Variants in GRM8 observed in about 807,000 individuals in gnomAD.
GRM8 encodes the protein metabotropic glutamate receptor 8.
Under a neutral mutation model 87.2 loss-of-function variants are expected in GRM8, and 47 were observed. That is an observed-to-expected ratio of 0.54 (90% CI 0.43 to 0.69). The LOEUF is 0.69. GRM8 is among the 30% of genes least tolerant of loss of function. The pLI is 0.00. For missense variants in GRM8, 1,019 were observed against 1,139.2 expected (o/e 0.89, Z 1.52); for synonymous variants, 396 against 404.5 (o/e 0.98, Z 0.25).
At chr7:126,947,680 G>A (rs1214270847) in intron 3 of GRM8, among the ~76,000 whole-genome samples, 1 of 152,032 alleles carries the variant, frequency 6.6e-6, no homozygotes, top group African/African-American at 2.4e-5. Context: ...AGTGAAACAA[G>A]CCCCGAGGCC....
intron 6 of GRM8, among the ~76,000 whole-genome samples, chr7:126,828,141 A>G (rs534104268): frequency 3.9e-5 from 6 of 152,144 alleles, no homozygotes; most frequent in African/African-American, 1.2e-4. Context: ...TTTTTGCATC[A>G]ATGTTCATCA....
intron 8 of GRM8, among the ~76,000 whole-genome samples, chr7:126,562,646 G>A (rs937254616): frequency 6.6e-6 from 1 of 152,212 alleles, no homozygotes; most frequent in Non-Finnish European, 1.5e-5. Flanking sequence ...TGTAATCCCA[G>A]CACTTTGGGA....
At chr7:126,695,348 T>C (rs1228077621) in intron 7 of GRM8, among the ~76,000 whole-genome samples, 1 of 152,172 alleles carries the variant, frequency 6.6e-6, no homozygotes, top group Non-Finnish European at 1.5e-5. Context: ...GATTAAAATA[T>C]ATGGTCCCTG....
At chr7:127,010,087 A>C (rs183109992) in intron 3 of GRM8, among the ~76,000 whole-genome samples, 1 of 151,852 alleles carries the variant, frequency 6.6e-6, no homozygotes, top group African/African-American at 2.4e-5. Flanking sequence ...AAGTGATCCG[A>C]CTGCCTCAGC....
At chr7:126,600,176 G>T (rs1797593067) in intron 8 of GRM8, among the ~76,000 whole-genome samples, 2 of 152,036 alleles carry the variant, frequency 1.3e-5, no homozygotes, top group Non-Finnish European at 2.9e-5. Context: ...GTATAATTAT[G>T]CAATTATTGT....
At chr7:126,935,404 A>G (rs751293335) in intron 3 of GRM8, among the ~76,000 whole-genome samples, 7 of 152,220 alleles carry the variant, frequency 4.6e-5, no homozygotes, top group Non-Finnish European at 1.0e-4. Context: ...CAGAGATACC[A>G]TGGTAGAGTC....
chr7:126,814,648 T>A (rs889648142), intron 6 of GRM8, among the ~76,000 whole-genome samples: 1 of 151,994 alleles, frequency 6.6e-6, no homozygotes, highest in Non-Finnish European at 1.5e-5. Flanking sequence ...GTTACCACTC[T>A]CCTTATTTTC....
intron 7 of GRM8, among the ~76,000 whole-genome samples, chr7:126,677,701 T>G (rs1219692501): frequency 6.6e-6 from 1 of 151,320 alleles, no homozygotes; most frequent in African/African-American, 2.4e-5. Flanking sequence ...TCAGAAGGAG[T>G]TTTGAGGCGG....
At chr7:126,999,604 G>GTT (rs1813522886) in intron 3 of GRM8, among the ~76,000 whole-genome samples, 3 of 151,840 alleles carry the variant, frequency 2.0e-5, no homozygotes, top group African/African-American at 7.2e-5. Flanking sequence ...TTTCTCAAAA[G>GTT]AAGACAAATG....
At chr7:126,706,686 A>G (rs561099553) in intron 7 of GRM8, among the ~76,000 whole-genome samples, 1 of 152,214 alleles carries the variant, frequency 6.6e-6, no homozygotes, top group Admixed American at 6.5e-5. Flanking sequence ...TGATCACCAC[A>G]TTAGGTCAAC....
intron 7 of GRM8, among the ~76,000 whole-genome samples, chr7:126,764,981 A>G (rs1294700505): frequency 6.6e-6 from 1 of 151,946 alleles, no homozygotes; most frequent in African/African-American, 2.4e-5. Flanking sequence ...TCTAAATGTC[A>G]CCTTTTTCTA....
intron 3 of GRM8, among the ~76,000 whole-genome samples, chr7:127,014,501 G>A (rs756586232): frequency 5.9e-5 from 9 of 152,076 alleles, no homozygotes; most frequent in Non-Finnish European, 1.0e-4. Context: ...TGTGCCTTGT[G>A]TAAGTAACTT....
chr7:126,579,029 C>A (rs773231639), intron 8 of GRM8, among the ~76,000 whole-genome samples: 1 of 151,812 alleles, frequency 6.6e-6, no homozygotes, highest in African/African-American at 2.4e-5. Flanking sequence ...CATTATCTTA[C>A]GTAAAGTAGG....
intron 7 of GRM8, among the ~76,000 whole-genome samples, chr7:126,717,232 A>G (rs1354158979): frequency 2.6e-5 from 4 of 152,192 alleles, no homozygotes; most frequent in African/African-American, 9.7e-5. Context: ...AAGAGAGAGA[A>G]AGTATGGACA....
intron 3 of GRM8, among the ~76,000 whole-genome samples, chr7:127,015,598 G>T (rs1015134267): frequency 1.3e-5 from 2 of 152,016 alleles, no homozygotes; most frequent in Non-Finnish European, 2.9e-5. Flanking sequence ...TTCACTGTTC[G>T]CAATTCCGAC....
intron 7 of GRM8, among the ~76,000 whole-genome samples, chr7:126,763,468 TATATAC>T (rs1413371790): frequency 0.12 from 6,446 of 51,572 alleles, 165 homozygotes; most frequent in Non-Finnish European, 0.2. Context: ...TATATATATA[TATATAC>T]ACACACACAC....
intron 8 of GRM8, among the ~76,000 whole-genome samples, chr7:126,609,054 C>T (rs1015534864): frequency 6.6e-6 from 1 of 152,034 alleles, no homozygotes; most frequent in Non-Finnish European, 1.5e-5. Context: ...AACACACAGA[C>T]ATACAAAAAA....
chr7:127,024,040 C>A (rs996533891), intron 3 of GRM8, among the ~76,000 whole-genome samples: 3 of 152,066 alleles, frequency 2.0e-5, no homozygotes, highest in African/African-American at 7.2e-5. Context: ...AAGGCTAGGC[C>A]TGTAAATAAA....
intron 3 of GRM8, among the ~76,000 whole-genome samples, chr7:126,928,593 G>A (rs1805396605): frequency 6.6e-6 from 1 of 151,104 alleles, no homozygotes. Context: ...GATCACTTGA[G>A]CCCAGGAGGT....
Sources: gnomAD v4.1 joint callset for allele counts (sites outside exome capture counted in the v4.1 genomes callset) on GRCh38, gnomAD v4.1.1 for gene constraint, MANE v1.5 for transcripts, NCBI Gene and HGNC (gene_info 2026-07-23, HGNC 2026-07-21) for gene names.